NTRK1: variants seen among roughly 807,000 people sequenced by gnomAD.
The protein encoded by NTRK1 is neurotrophic receptor tyrosine kinase 1.
Under a neutral mutation model 86.8 loss-of-function variants are expected in NTRK1, and 62 were observed. That is an observed-to-expected ratio of 0.71 (90% CI 0.58 to 0.88). NTRK1 has a LOEUF of 0.88. Ranked by LOEUF, NTRK1 falls within the 40% of genes least tolerant of loss-of-function variation. The pLI, the probability that NTRK1 is intolerant of heterozygous loss-of-function variation, is 0.00. For missense variants in NTRK1, 967 were observed against 1,078.4 expected (o/e 0.90, Z 1.45); for synonymous variants, 469 against 456.6 (o/e 1.03, Z -0.35).
Position 156,874,198 on chromosome 1 carries a change from T to A in NTRK1, c.1178-185T>A, listed in dbSNP as rs1558104546. 3 of 1,004,892 alleles carry A rather than the reference T, an allele frequency of 3.0e-6. No homozygotes were observed. The Admixed American group carries it at 5.5e-5, about 18-fold the overall frequency. 62.2% of individuals were successfully genotyped at this position (1,004,892 alleles called of 1,614,324 possible). A position where few individuals can be genotyped will look rare whatever the true frequency, so the allele number is the denominator to read the frequency against. On this transcript the variant is annotated intron_variant, in intron 8 of 16. Coordinates refer to ENST00000524377, the MANE Select transcript of NTRK1 (RefSeq NM_002529.4). ...GAGGAGACAGCCATGCAGCAGGGCA[T>A]CCTGGCCCAGCTGGAAAAGGGTCAC...
chr1:156,848,975 T>C, intron 2 of NTRK1: 1 of 1,608,418 alleles, frequency 6.2e-7, no homozygotes, highest in Non-Finnish European at 8.5e-7. Flanking sequence ...CAGTGGCTCA[T>C]AGCGCTCCCA....
rs1439823777 is a variant in NTRK1, at chr1:156,866,992, C to T, written c.428+14C>T. The T allele has an allele frequency of 9.3e-6, 15 of 1,614,024 alleles. No homozygotes were observed. Among genetic ancestry groups the T allele is most frequent in the Non-Finnish European group, 1.0e-5 (12 of 1,179,836 alleles). On this transcript the variant is annotated intron_variant, in intron 4 of 16. Transcript: ENST00000524377. ...CTTACAGGAACTGTGAGTGGGGGCG[C>T]TTCCAGGGGCAAGAGCACCAAGTGT...
chr1:156,819,681 G>A (rs1345799959), intron 1 of NTRK1, among the ~76,000 whole-genome samples: 1 of 151,682 alleles, frequency 6.6e-6, no homozygotes, highest in Non-Finnish European at 1.5e-5. Flanking sequence ...CACCATGCCT[G>A]GCTAATTTTG....
chr1:156,856,571 G>T (rs1408193145), upstream of NTRK1, among the ~76,000 whole-genome samples: 1 of 152,200 alleles, frequency 6.6e-6, no homozygotes, highest in Non-Finnish European at 1.5e-5. Flanking sequence ...CTGGCCTGGA[G>T]TTAATCACTT....
chr1:156,816,665 TCA>T, intron 1 of NTRK1: 1 of 1,601,492 alleles, frequency 6.2e-7, no homozygotes, highest in Non-Finnish European at 8.5e-7. Flanking sequence ...TCCTTCAACT[TCA>T]CACTTACCTT....
intron 3 of NTRK1, 40 bp downstream of exon 3, chr1:156,864,839 A>G (rs1182552062): frequency 6.3e-7 from 1 of 1,591,930 alleles, no homozygotes; most frequent in Non-Finnish European, 8.6e-7. Flanking sequence ...GTTGGGGAGG[A>G]CACCCAGACT....
At chr1:156,829,840 T>C (rs890335389) in intron 1 of NTRK1, among the ~76,000 whole-genome samples, 3 of 152,192 alleles carry the variant, frequency 2.0e-5, no homozygotes, top group East Asian at 1.9e-4. Flanking sequence ...TTAGTAGAGA[T>C]GGGGGTTTCA....
chr1:156,847,678 G>A (rs568527364), intron 2 of NTRK1, among the ~76,000 whole-genome samples: 77 of 152,108 alleles, frequency 5.1e-4, no homozygotes, highest in Admixed American at 3.9e-3. Context: ...TGGGGGGGTG[G>A]GGGCTCATAG....
At chr1:156,867,199 G>A (rs549760971) in intron 4 of NTRK1, among the ~76,000 whole-genome samples, 1 of 152,368 alleles carries the variant, frequency 6.6e-6, no homozygotes, top group South Asian at 2.1e-4. Context: ...ATGACTGTGT[G>A]TGTGCTGGGC....
chr1:156,841,848 A>T (rs1193323676), intron 1 of NTRK1: 1 of 1,613,690 alleles, frequency 6.2e-7, no homozygotes, highest in Non-Finnish European at 8.5e-7. Context: ...GCCACGCACT[A>T]GCTCCTGCCC....
intron 1 of NTRK1, among the ~76,000 whole-genome samples, chr1:156,862,393 G>C (rs537153785): frequency 6.6e-6 from 1 of 152,234 alleles, no homozygotes; most frequent in South Asian, 2.1e-4. Flanking sequence ...ATCACCCTGG[G>C]CCTTCAGATT....
chr1:156,841,927 G>T, intron 1 of NTRK1: 1 of 1,557,640 alleles, frequency 6.4e-7, no homozygotes. Context: ...GGGGCTCAAT[G>T]GACCTCAGAA....
In NTRK1 at chr1:156,841,443, C is replaced by T. The variant is rs187492842; in HGVS notation, c.-63-638C>T. The T allele has an allele frequency of 1.1e-4, 174 of 1,613,916 alleles. 2 individuals carry two copies. The South Asian group carries it at 1.4e-3, about 13-fold the overall frequency. ...TCCTCCAGGACCCCGCCATCCATGA[C>T]GAACTTCAGCACCTGCTCATTGGAC... On this transcript the variant is annotated intron_variant, in intron 1 of 16. Transcript: ENST00000392302.
intron 1 of NTRK1, among the ~76,000 whole-genome samples, chr1:156,829,877 T>A (rs1026319332): frequency 2.0e-5 from 3 of 152,200 alleles, no homozygotes; most frequent in Non-Finnish European, 4.4e-5. Context: ...GGTCTTGAAC[T>A]CCTGACCTCA....
rs12049299 is a variant in NTRK1 at position 156,840,970 on chromosome 1, C to G, written c.-63-1111C>G. 4.3e-6 allele frequency: 7 copies of G among 1,613,690 alleles called. No homozygotes were observed. The East Asian group carries it at 6.7e-5, about 15-fold the overall frequency. ...GGTAGGCAGGGAGCCCCGGGCCCCC[C>G]GGCATTCCGGGCTGTAGTAGAAGGA... is the stretch of plus-strand genomic sequence containing the variant. On this transcript the variant is annotated intron_variant, in intron 1 of 16. Coordinates refer to the NTRK1 transcript ENST00000392302.
rs765742758 is a variant in NTRK1, at chr1:156,851,424, C to T, written c.50+9231C>T. 4 of 1,614,048 alleles carry T rather than the reference C, an allele frequency of 2.5e-6. No homozygotes were observed. The East Asian group carries it at 8.9e-5, about 36-fold the overall frequency. On this transcript the variant is annotated intron_variant, in intron 2 of 16. Transcript: ENST00000392302. ...GCCCCAGGCTGTGCTGCAGCTGTGG[C>T]TCCAGGTTGTCTAGGGATGGGAAGA...
intron 1 of NTRK1, among the ~76,000 whole-genome samples, chr1:156,826,532 G>A (rs976768950): frequency 4.0e-5 from 6 of 151,892 alleles, no homozygotes; most frequent in South Asian, 2.1e-4. Flanking sequence ...CTCGTGATCC[G>A]CCCGCCTCGG....
intron 7 of NTRK1, 79 bp from the exon 8 acceptor site, chr1:156,873,554 C>A (rs530345791): frequency 8.0e-7 from 1 of 1,244,550 alleles, no homozygotes; most frequent in Non-Finnish European, 1.1e-6. Context: ...ACTCGCTTTG[C>A]CCGTGGACTT....
chr1:156,829,370 G>A (rs1654405586), intron 1 of NTRK1, among the ~76,000 whole-genome samples: 1 of 152,156 alleles, frequency 6.6e-6, no homozygotes, highest in South Asian at 2.1e-4. Context: ...GTTCTGGGGT[G>A]GGGCAGAGCA....
Sources: gnomAD v4.1 joint callset for allele counts (sites outside exome capture counted in the v4.1 genomes callset) on GRCh38, gnomAD v4.1.1 for gene constraint, MANE v1.5 for transcripts, NCBI Gene and HGNC (gene_info 2026-07-23, HGNC 2026-07-21) for gene names.